Variants in KAT7 observed in about 807,000 individuals in gnomAD.
The protein encoded by KAT7 is histone acetyltransferase KAT7.
KAT7 carries 10 observed loss-of-function variants against 82.1 expected under a neutral mutation model. That is an observed-to-expected ratio of 0.12 (90% CI 0.08 to 0.21). KAT7 has a LOEUF of 0.21. Ranked by LOEUF, KAT7 falls within the 10% of genes least tolerant of loss-of-function variation. The probability of loss-of-function intolerance (pLI) is 1.00; values close to 1 mark genes in which losing one functional copy is unlikely to be tolerated. For missense variants in KAT7, 378 were observed against 760.9 expected (o/e 0.50, Z 5.92); for synonymous variants, 250 against 262.5 (o/e 0.95, Z 0.46).
At chr17:49,798,608 C>A (rs760043646) in intron 4 of KAT7, 50 bp downstream of exon 4, 2 of 1,531,966 alleles carry the variant, frequency 1.3e-6, no homozygotes, top group South Asian at 1.3e-5. Flanking sequence ...GTTCTCTCTC[C>A]CAGGATCATC....
intron 4 of KAT7, among the ~76,000 whole-genome samples, chr17:49,805,088 G>A (rs974531220): frequency 6.6e-6 from 1 of 152,106 alleles, no homozygotes. Context: ...TGTTGACTTC[G>A]TGACATTTTG....
At chr17:49,820,193 G>A (rs906608402) in intron 9 of KAT7, among the ~76,000 whole-genome samples, 2 of 151,994 alleles carry the variant, frequency 1.3e-5, no homozygotes, top group Non-Finnish European at 2.9e-5. Context: ...AGGCTGCAGT[G>A]AGCTATGATC....
chr17:49,822,725 G>A (rs1567864428), intron 11 of KAT7, among the ~76,000 whole-genome samples: 2 of 152,046 alleles, frequency 1.3e-5, no homozygotes, highest in African/African-American at 4.8e-5. Context: ...ATCCCTCTCA[G>A]TTCTTCTTTC....
intron 1 of KAT7, 116 bp downstream of exon 1, chr17:49,788,965 T>C: frequency 1.0e-6 from 1 of 966,926 alleles, no homozygotes; most frequent in Non-Finnish European, 1.5e-6. Context: ...CCCCGAACCT[T>C]GTTCAGCTAC....
chr17:49,821,431 A>G lies in KAT7; in HGVS notation c.1245+5A>G. The G allele has an allele frequency of 6.2e-7, 1 of 1,611,864 alleles. No homozygotes were observed. Among genetic ancestry groups the G allele is most frequent in the Non-Finnish European group, 8.5e-7 (1 of 1,178,610 alleles). Reference sequence around the variant, plus strand: ...GTGGATGGCAAGAAAAACAAGGTAAAAAGTGGTGACTTTAGAAAGGAGTTG... The same window carrying G: ...GTGGATGGCAAGAAAAACAAGGTAAGAAGTGGTGACTTTAGAAAGGAGTTG... On this transcript the variant is annotated splice_donor_5th_base_variant and intron_variant, in intron 10 of 14. Coordinates refer to ENST00000259021, the MANE Select transcript of KAT7 (RefSeq NM_007067.5).
At chr17:49,813,461 T>C (rs1598076129) in intron 7 of KAT7, among the ~76,000 whole-genome samples, 1 of 152,170 alleles carries the variant, frequency 6.6e-6, no homozygotes, top group Admixed American at 6.5e-5. Flanking sequence ...TTCTTAAACA[T>C]AGGGCATGTG....
chr17:49,805,222 C>T, intron 4 of KAT7, 141 bp from the exon 5 acceptor site: 1 of 607,260 alleles, frequency 1.6e-6, no homozygotes, highest in South Asian at 2.0e-5. Flanking sequence ...GCCCTACCAG[C>T]CTTATGTTTG....
chr17:49,819,080 G>C (rs2074270162), intron 9 of KAT7, among the ~76,000 whole-genome samples: 1 of 152,080 alleles, frequency 6.6e-6, no homozygotes, highest in Non-Finnish European at 1.5e-5. Context: ...AAGGCCTCTG[G>C]GGTGTCTCTT....
chr17:49,809,658 G>A (rs753654319), intron 6 of KAT7, among the ~76,000 whole-genome samples: 7 of 152,196 alleles, frequency 4.6e-5, no homozygotes, highest in Middle Eastern at 6.8e-3. Flanking sequence ...TCCTGGCTTG[G>A]TCCTAAACCT....
At position 49,826,807 on chromosome 17, in the gene KAT7, T is replaced by C; in HGVS notation, c.1734+8T>C. The C allele has an allele frequency of 6.4e-7, 1 of 1,559,068 alleles. No homozygotes were observed. Among genetic ancestry groups the C allele is most frequent in the Non-Finnish European group, 8.8e-7 (1 of 1,130,458 alleles). ...CTAGTTTTAAAGAGACAGGTAAGGT[T>C]CTCATCAGGGGCTTGCTCATTGCTG... On this transcript the variant is annotated splice_region_variant and intron_variant, in intron 14 of 14. Transcript: ENST00000259021.
chr17:49,825,218 G>T (rs2074354649), intron 12 of KAT7, among the ~76,000 whole-genome samples: 2 of 152,124 alleles, frequency 1.3e-5, no homozygotes, highest in Admixed American at 1.3e-4. Flanking sequence ...TGTATAAATT[G>T]AATGTTAGGT....
intron 11 of KAT7, among the ~76,000 whole-genome samples, chr17:49,822,857 C>A (rs936324586): frequency 1.3e-5 from 2 of 151,978 alleles, no homozygotes; most frequent in African/African-American, 4.8e-5. Context: ...GTTTCCTTCC[C>A]TTCTCTTCCA....
At chr17:49,790,657 G>C (rs557684841) in intron 1 of KAT7, among the ~76,000 whole-genome samples, 9 of 152,294 alleles carry the variant, frequency 5.9e-5, no homozygotes, top group African/African-American at 1.9e-4. Context: ...AATCTGTCCT[G>C]AGGCTACTTA....
chr17:49,805,512 G>A lies in KAT7; in HGVS notation c.663+67G>A, dbSNP rs553207382. On this transcript the variant is annotated intron_variant, in intron 5 of 14. Transcript: ENST00000259021. Reference sequence around the variant, plus strand: ...CTTACCGTTTGCCAGGCACTTTGCTGAACACTGGGGATACAGTGGCCAACA... The same window carrying A: ...CTTACCGTTTGCCAGGCACTTTGCTAAACACTGGGGATACAGTGGCCAACA... 7.3e-5 allele frequency: 80 copies of A among 1,095,736 alleles called. 1 individual carries two copies. The South Asian group carries it at 1.0e-3, about 14-fold the overall frequency. 67.9% of individuals were successfully genotyped at this position (1,095,736 alleles called of 1,614,324 possible).
At chr17:49,804,077 C>G (rs2143893648) in intron 4 of KAT7, among the ~76,000 whole-genome samples, 1 of 151,806 alleles carries the variant, frequency 6.6e-6, no homozygotes, top group Admixed American at 6.6e-5. Context: ...TCAAAAAAAC[C>G]AAATGAAAAA....
intron 11 of KAT7, among the ~76,000 whole-genome samples, chr17:49,822,871 G>T (rs1422272178): frequency 2.6e-5 from 4 of 152,006 alleles, no homozygotes; most frequent in African/African-American, 9.7e-5. Context: ...TCTTCCAGTA[G>T]GCAGCTCCTT....
rs143368222 is a variant in KAT7 at position 49,792,002 on chromosome 17, C to T, written c.132C>T (p.Arg44=). The T allele has an allele frequency of 6.2e-7, 1 of 1,614,138 alleles. No homozygotes were observed. The change falls in exon 2 of 15, where the codon CGC becomes CGT. Residue 44 remains arginine (R), a synonymous_variant. Coordinates refer to ENST00000259021, the MANE Select transcript of KAT7 (RefSeq NM_007067.5). Reference sequence around the variant, plus strand: ...CCCGACGATCTGCTCGAGTCACCCGCTCCTCAGCCAGGCTAAGCCAGAGTT... The same window carrying T: ...CCCGACGATCTGCTCGAGTCACCCGTTCCTCAGCCAGGCTAAGCCAGAGTT... ...GTSRRSARVT[R]SSARLSQSSQ...
intron 5 of KAT7, among the ~76,000 whole-genome samples, chr17:49,807,484 C>T (rs569379288): frequency 3.3e-5 from 5 of 152,098 alleles, no homozygotes; most frequent in Non-Finnish European, 7.4e-5. Flanking sequence ...GAAAGTAGGC[C>T]GTGTATGGCT....
chr17:49,803,550 G>A (rs2074052268), intron 4 of KAT7, among the ~76,000 whole-genome samples: 1 of 151,850 alleles, frequency 6.6e-6, no homozygotes, highest in Non-Finnish European at 1.5e-5. Context: ...TCAGCCTCCC[G>A]AGTAGCTGGG....
Sources: gnomAD v4.1 joint callset for allele counts (sites outside exome capture counted in the v4.1 genomes callset) on GRCh38, gnomAD v4.1.1 for gene constraint, MANE v1.5 for transcripts, NCBI Gene and HGNC (gene_info 2026-07-23, HGNC 2026-07-21) for gene names.